The following ZDHHC17 variants were observed in gnomAD, a reference collection of about 807,000 sequenced individuals.
ZDHHC17 encodes the protein palmitoyltransferase ZDHHC17.
In ZDHHC17, 40 loss-of-function variants were observed where a neutral mutation model predicts 90.3. The observed-to-expected ratio is 0.44, with a 90% CI of 0.34 to 0.58. The LOEUF (loss-of-function observed/expected upper bound fraction) is 0.58, where lower values mean the gene tolerates loss of function less well. ZDHHC17 is among the 20% of genes least tolerant of loss of function. The pLI is 0.01. For missense variants in ZDHHC17, 614 were observed against 780.8 expected, an observed-to-expected ratio of 0.79 and a Z score of 2.55; for synonymous variants, 235 against 252.4, an observed-to-expected ratio of 0.93 and a Z score of 0.65.
chr12:76,774,076 C>T (rs1181765443), intron 1 of ZDHHC17, among the ~76,000 whole-genome samples: 3 of 151,946 alleles, frequency 2.0e-5, no homozygotes, highest in Non-Finnish European at 4.4e-5. Context: ...AGTGGGATCC[C>T]TGTCTCTACA....
At chr12:76,769,738 G>A (rs1375022300) in intron 1 of ZDHHC17, among the ~76,000 whole-genome samples, 1 of 152,080 alleles carries the variant, frequency 6.6e-6, no homozygotes, top group Non-Finnish European at 1.5e-5. Context: ...TAACCACTGA[G>A]CATTACTATT....
In ZDHHC17 at chr12:76,822,427, G is replaced by T; in HGVS notation, c.793G>T (p.Ala265Ser). The T allele has an allele frequency of 1.2e-6, 2 of 1,613,746 alleles. No individual in the cohort carries two copies. Among genetic ancestry groups the T allele is most frequent in the Non-Finnish European group, 1.7e-6 (2 of 1,179,784 alleles). ...TCAGGGCGAATCAGCGCTTGATTTG[G>T]CAAAACAGAGAAAAAATGTGTGGAT... ...NIKGESALDLAKQRKNVWMIN... is the reference protein window; with the variant it reads ...NIKGESALDLSKQRKNVWMIN... Residue 265 changes from alanine to serine, a missense_variant, in exon 8 of 17, where the codon GCA (alanine) becomes TCA (serine). Physicochemically the swap from Ala to Ser is moderately conservative, Grantham distance 99. Transcript: ENST00000426126.
chr12:76,800,505 A>C (rs373975233), intron 2 of ZDHHC17, among the ~76,000 whole-genome samples: 3 of 152,180 alleles, frequency 2.0e-5, no homozygotes, highest in East Asian at 1.9e-4. Context: ...TTTTGCTTCA[A>C]ATATTTTGAT....
chr12:76,810,134 A>G (rs924138480), intron 5 of ZDHHC17, among the ~76,000 whole-genome samples: 6 of 152,036 alleles, frequency 3.9e-5, no homozygotes, highest in East Asian at 1.9e-4. Context: ...ATAAGTATCT[A>G]TTTTTTCTTT....
intron 14 of ZDHHC17, 68 bp from the exon 15 acceptor site, chr12:76,848,165 C>A: frequency 6.5e-7 from 1 of 1,544,916 alleles, no homozygotes; most frequent in East Asian, 2.3e-5. Context: ...ATGGTGCCAG[C>A]ACAAATGCCT....
rs1953400776 is a variant in ZDHHC17, at chr12:76,838,952, G to A, written c.1142-3030G>A. ...TTTCTCACAGTTCTGGAGGCTGGTA[G>A]TTTGAGATCAGGGTGCCAGCAAGTT... is the stretch of plus-strand genomic sequence containing the variant. On this transcript the variant is annotated intron_variant, in intron 10 of 16. Transcript: ENST00000426126. Among the ~76,000 whole-genome samples the A allele has an allele frequency of 2.0e-5, 3 of 152,206 alleles. No homozygotes were observed. The South Asian group carries it at 6.2e-4, about 31-fold the overall frequency.
chr12:76,790,082 G>A (rs1259196998), intron 1 of ZDHHC17, among the ~76,000 whole-genome samples: 1 of 152,206 alleles, frequency 6.6e-6, no homozygotes, highest in African/African-American at 2.4e-5. Context: ...AGGGGAAACA[G>A]CATGGGGAAT....
At chr12:76,770,719 C>T (rs1952481728) in intron 1 of ZDHHC17, among the ~76,000 whole-genome samples, 1 of 152,086 alleles carries the variant, frequency 6.6e-6, no homozygotes. Flanking sequence ...TGGCAGATCT[C>T]CTGAGGTCGG....
chr12:76,847,966 T>G (rs1349039624), intron 14 of ZDHHC17, among the ~76,000 whole-genome samples: 1 of 152,234 alleles, frequency 6.6e-6, no homozygotes, highest in Non-Finnish European at 1.5e-5. Context: ...TTCTAAGTAT[T>G]ATGTGATGCA....
chr12:76,800,477 C>G (rs74104854), intron 2 of ZDHHC17, among the ~76,000 whole-genome samples: 1 of 152,166 alleles, frequency 6.6e-6, no homozygotes, highest in African/African-American at 2.4e-5. Context: ...ATCTGTTTCT[C>G]TCTTCAGTTC....
At chr12:76,766,543 C>G (rs2137703387) in intron 1 of ZDHHC17, among the ~76,000 whole-genome samples, 1 of 152,236 alleles carries the variant, frequency 6.6e-6, no homozygotes, top group East Asian at 1.9e-4. Flanking sequence ...TTTCAGTCTC[C>G]TTTGGGAAGA....
At position 76,796,790 on chromosome 12, in the gene ZDHHC17, T is replaced by C. The variant is rs147929079; in HGVS notation, c.94-644T>C. Among the ~76,000 whole-genome samples, 68 of 152,298 alleles carry C rather than the reference T, an allele frequency of 4.5e-4. 1 individual carries two copies. The East Asian group carries it at 7.1e-3, about 16-fold the overall frequency. On this transcript the variant is annotated intron_variant, in intron 1 of 16. Coordinates refer to ENST00000426126, the MANE Select transcript of ZDHHC17 (RefSeq NM_015336.4). The stretch of plus-strand genomic sequence containing the variant: ...AGAGTGTTAGAGCTGTGGGTCATAC[T>C]AGAATAATAGAAAAATTGGTCAGAG...
At chr12:76,788,058 C>T (rs912513956) in intron 1 of ZDHHC17, among the ~76,000 whole-genome samples, 1 of 152,236 alleles carries the variant, frequency 6.6e-6, no homozygotes, top group Non-Finnish European at 1.5e-5. Flanking sequence ...TGTACTCTAG[C>T]CTGGGCAACA....
In ZDHHC17 at chr12:76,850,959, T is replaced by A; in HGVS notation, c.1873T>A (p.Ser625Thr). ...GTATACAATAGAATATGACCAAATA[T>A]CAGGATCTGGGTACCAGCTGGTGTA... is the stretch of plus-strand genomic sequence containing the variant. The part of the protein sequence containing the change: ...RQYTIEYDQI[S>T]GSGYQLV The change falls in exon 17 of 17, where the codon TCA becomes ACA. Residue 625 changes from serine to threonine, a missense_variant. Ser to Thr is a moderately conservative substitution (Grantham distance 58). This residue lies in a region of ZDHHC17 where 28 missense variants were observed against 20.0 expected (regional missense o/e 1.40). Coordinates refer to ENST00000426126, the MANE Select transcript of ZDHHC17 (RefSeq NM_015336.4). 1 of 1,613,950 alleles carries A rather than the reference T, an allele frequency of 6.2e-7. No homozygotes were observed.
chr12:76,852,116 TTC>T lies in ZDHHC17; in HGVS notation c.*1133_*1134del, dbSNP rs1953574959. 6.5e-6 allele frequency: 1 copy of T among 152,674 alleles called. No individual in the cohort carries two copies. The highest frequency in any genetic ancestry group is 1.5e-5 in the Non-Finnish European group (1 of 68,048). The allele number at this position is 152,674 out of a possible 1,614,324, so 9.5% of individuals were successfully genotyped here. On this transcript the variant is annotated 3_prime_UTR_variant, in exon 17 of 17. Coordinates refer to ENST00000426126, the MANE Select transcript of ZDHHC17 (RefSeq NM_015336.4). ...TTCTGAAACAGTTTTAGAAAAAATT[TTC>T]TTTTTGTTAAATGTGATGCACTGAT...
intron 1 of ZDHHC17, among the ~76,000 whole-genome samples, chr12:76,774,057 C>T (rs1438297034): frequency 6.6e-6 from 1 of 152,002 alleles, no homozygotes; most frequent in African/African-American, 2.4e-5. Context: ...CCAGACCAGC[C>T]TGGGAAGCAG....
intron 1 of ZDHHC17, among the ~76,000 whole-genome samples, chr12:76,766,868 A>T (rs901880821): frequency 6.6e-6 from 1 of 152,184 alleles, no homozygotes; most frequent in African/African-American, 2.4e-5. Context: ...GAAAATACAA[A>T]AATTAGCTGA....
chr12:76,821,282 AT>A, intron 7 of ZDHHC17: 1 of 326,946 alleles, frequency 3.1e-6, no homozygotes, highest in Non-Finnish European at 5.1e-6. Context: ...AGACTCCTAG[AT>A]TAGCCCATTT....
chr12:76,837,799 TCTCTAC>T (rs1180644684), intron 10 of ZDHHC17, among the ~76,000 whole-genome samples: 1 of 152,120 alleles, frequency 6.6e-6, no homozygotes, highest in Non-Finnish European at 1.5e-5. Flanking sequence ...CATACTTTTG[TCTCTAC>T]TCTTTATTAT....
Sources: allele counts gnomAD v4.1 joint callset (sites outside exome capture counted in the v4.1 genomes callset), GRCh38; gene constraint gnomAD v4.1.1; regional missense constraint gnomAD v4.1.1; transcripts MANE v1.5; gene names NCBI Gene and HGNC (gene_info 2026-07-23, HGNC 2026-07-21).